Variants in NCOA1 observed in about 807,000 individuals in gnomAD.
The protein encoded by NCOA1 is Hin-2 protein.
A neutral mutation model predicts 150.9 loss-of-function variants in NCOA1; 35 were observed. The ratio of observed to expected loss-of-function variants is 0.23; its 90% CI spans 0.18 to 0.31. The LOEUF (loss-of-function observed/expected upper bound fraction) is 0.31. Ranked by LOEUF, NCOA1 falls within the 10% of genes least tolerant of loss-of-function variation. The probability of loss-of-function intolerance (pLI) is 1.00; values close to 1 mark genes in which losing one functional copy is unlikely to be tolerated. For synonymous variants in NCOA1, 590 were observed against 630.0 expected (o/e 0.94, Z 0.95); for missense variants, 1,491 against 1,749.3 (o/e 0.85, Z 2.63).
chr2:24,704,471 C>G (rs1485811455), intron 11 of NCOA1, among the ~76,000 whole-genome samples: 2 of 152,036 alleles, frequency 1.3e-5, no homozygotes, highest in Non-Finnish European at 2.9e-5. Context: ...GAGCTGCCCC[C>G]AGTATAGAGA....
At chr2:24,752,223 C>G in intron 20 of NCOA1, 67 bp downstream of exon 20, 1 of 1,520,080 alleles carries the variant, frequency 6.6e-7, no homozygotes, top group Admixed American at 1.9e-5. Context: ...CTGATAAATG[C>G]TACAGTGGTT....
chr2:24,641,625 T>C (rs1436996491), intron 3 of NCOA1, among the ~76,000 whole-genome samples: 1 of 152,154 alleles, frequency 6.6e-6, no homozygotes, highest in African/African-American at 2.4e-5. Flanking sequence ...GGATGTAGAA[T>C]TGTGGGTTGA....
rs1670353646 is a variant in NCOA1, at chr2:24,644,079, CA to C, written c.-60del. The C allele has an allele frequency of 6.6e-6, 1 of 152,150 alleles. No homozygotes were observed. Among genetic ancestry groups the C allele is most frequent in the Non-Finnish European group, 1.5e-5 (1 of 68,028 alleles). The allele number at this position is 152,150 out of a possible 1,614,324, so 9.4% of individuals were successfully genotyped here. A position where few individuals can be genotyped will look rare whatever the true frequency, so the allele number is the denominator to read the frequency against. The stretch of plus-strand genomic sequence containing the variant: ...TACCCTCTGGAACTCAAGATTTGAC[CA>C]TATCTGTTTTGAGGATTCATTATGA... On this transcript the variant is annotated 5_prime_UTR_variant, in exon 4 of 23. Coordinates refer to ENST00000348332, the MANE Select transcript of NCOA1 (RefSeq NM_003743.5).
intron 1 of NCOA1, among the ~76,000 whole-genome samples, chr2:24,513,691 A>G (rs553389898): frequency 6.6e-6 from 1 of 152,222 alleles, no homozygotes; most frequent in Non-Finnish European, 1.5e-5. Flanking sequence ...ATAATTTGAC[A>G]TTATTTAATA....
At chr2:24,711,143 C>T (rs765410839) in intron 14 of NCOA1, 32 bp downstream of exon 14, 15 of 1,580,148 alleles carry the variant, frequency 9.5e-6, no homozygotes, top group South Asian at 6.9e-5. Context: ...TCATTTTAAA[C>T]GTTTAGTGAT....
At chr2:24,569,859 T>C (rs1260545693) in intron 2 of NCOA1, among the ~76,000 whole-genome samples, 1 of 147,560 alleles carries the variant, frequency 6.8e-6, no homozygotes, top group Non-Finnish European at 1.5e-5. Flanking sequence ...AACAGAGTGA[T>C]ACTCCGTCTG....
At position 24,550,870 on chromosome 2, in the gene NCOA1, A is replaced by G. The variant is rs528841329; in HGVS notation, c.-395-13425A>G. Among the ~76,000 whole-genome samples the G allele has an allele frequency of 1.1e-3, 161 of 152,350 alleles. 1 individual carries two copies. Among genetic ancestry groups the G allele is most frequent in the African/African-American group, 3.6e-3 (149 of 41,582 alleles). ...ATGCCTGAAATCCCAGCACTTTGGG[A>G]GGCCAAGGCGGGTGGATCACTTGAG... On this transcript the variant is annotated intron_variant, in intron 1 of 22. Transcript: ENST00000348332.
chr2:24,765,896 C>CTTTTTTT lies in NCOA1; in HGVS notation c.4156-2312_4156-2306dup, dbSNP rs773857143. On this transcript the variant is annotated intron_variant, in intron 22 of 22. Transcript: ENST00000348332. ...AGTTTTCTGTAATTTCAATAATACACTTTTTTTTTTTTTTTTTTTGAGACG... is the reference window on the plus strand; with the variant it reads ...AGTTTTCTGTAATTTCAATAATACACTTTTTTTTTTTTTTTTTTTTTTTTTTGAGACG... 1.1e-3 allele frequency among the ~76,000 whole-genome samples: 136 copies of CTTTTTTT among 128,048 alleles called. 3 individuals carry two copies. Among genetic ancestry groups the CTTTTTTT allele is most frequent in the Middle Eastern group, 4.0e-3 (1 of 250 alleles). 84.0% of individuals were successfully genotyped at this position (128,048 alleles called of 152,430 possible).
chr2:24,491,621 G>C lies in NCOA1; in HGVS notation c.-396+19G>C, dbSNP rs986268893. 7.1e-6 allele frequency among the ~76,000 whole-genome samples: 1 copy of C among 140,484 alleles called. No individual in the cohort carries two copies. Among genetic ancestry groups the C allele is most frequent in the Non-Finnish European group, 1.6e-5 (1 of 63,498 alleles). The allele number at this position is 140,484 out of a possible 152,430, so 92.2% of individuals were successfully genotyped here. A position where few individuals can be genotyped will look rare whatever the true frequency, so the allele number is the denominator to read the frequency against. On this transcript the variant is annotated intron_variant, in intron 1 of 22. Coordinates refer to ENST00000348332, the MANE Select transcript of NCOA1 (RefSeq NM_003743.5). ...GCGGCAGGTGAGTGGCGGGCTGCGG[G>C]TGCGGAGCCTCCCGGTGGGTGCAGC...
intron 5 of NCOA1, 112 bp from the exon 6 acceptor site, chr2:24,665,637 A>T: frequency 1.1e-6 from 1 of 901,188 alleles, no homozygotes; most frequent in Non-Finnish European, 1.5e-6. Context: ...ATCTGGTTTT[A>T]TATTTTCGAT....
intron 3 of NCOA1, among the ~76,000 whole-genome samples, chr2:24,615,432 A>G (rs1035095218): frequency 2.0e-5 from 3 of 152,228 alleles, no homozygotes; most frequent in Non-Finnish European, 2.9e-5. Context: ...CCTGTAATAT[A>G]TTGCTTGGCA....
chr2:24,767,526 G>C (rs1456604004), intron 22 of NCOA1, among the ~76,000 whole-genome samples: 1 of 152,236 alleles, frequency 6.6e-6, no homozygotes, highest in Non-Finnish European at 1.5e-5. Context: ...ACTCATAGTA[G>C]TGAAGGGAAA....
chr2:24,717,905 C>CTTT (rs34785770), intron 14 of NCOA1, among the ~76,000 whole-genome samples: 5 of 138,058 alleles, frequency 3.6e-5, no homozygotes, highest in Admixed American at 7.3e-5. Flanking sequence ...TGGTTAATAT[C>CTTT]TTTTTTTTTT....
intron 1 of NCOA1, among the ~76,000 whole-genome samples, chr2:24,526,156 A>G (rs1211878359): frequency 6.6e-6 from 1 of 152,056 alleles, no homozygotes; most frequent in Non-Finnish European, 1.5e-5. Flanking sequence ...ACTCCTTTAA[A>G]TTATGATTTC....
intron 3 of NCOA1, among the ~76,000 whole-genome samples, chr2:24,620,166 G>A (rs1382880617): frequency 6.6e-6 from 1 of 152,090 alleles, no homozygotes; most frequent in Non-Finnish European, 1.5e-5. Context: ...ACTAAGAAAA[G>A]CATGCCTTTG....
intron 14 of NCOA1, among the ~76,000 whole-genome samples, chr2:24,715,517 A>G (rs1418116662): frequency 2.0e-5 from 3 of 152,344 alleles, no homozygotes; most frequent in Non-Finnish European, 2.9e-5. Flanking sequence ...AGTGAGAGGA[A>G]AAGCTACTTG....
In NCOA1 at chr2:24,674,123, A is replaced by ATG. The variant is rs146841550; in HGVS notation, c.354+688_354+689dup. Among the ~76,000 whole-genome samples, 1,408 of 145,586 alleles carry ATG rather than the reference A, an allele frequency of 9.7e-3. 12 individuals carry two copies. Among genetic ancestry groups the ATG allele is most frequent in the African/African-American group, 0.017 (660 of 39,906 alleles). On this transcript the variant is annotated intron_variant, in intron 7 of 22. Coordinates refer to ENST00000348332, the MANE Select transcript of NCOA1 (RefSeq NM_003743.5). ...TGAATGTTTAAAGACATATGTATGTATGTGTGTGTGTGTGTGTGTGTGTGT... is the reference window on the plus strand; with the variant it reads ...TGAATGTTTAAAGACATATGTATGTATGTGTGTGTGTGTGTGTGTGTGTGTGT...
chr2:24,766,866 C>A (rs1442821884), intron 22 of NCOA1, among the ~76,000 whole-genome samples: 1 of 151,778 alleles, frequency 6.6e-6, no homozygotes, highest in Non-Finnish European at 1.5e-5. Context: ...GTTATAGACA[C>A]AAGAGAAAGA....
At chr2:24,760,394 T>A (rs894432614) in intron 21 of NCOA1, among the ~76,000 whole-genome samples, 37 of 150,760 alleles carry the variant, frequency 2.5e-4, no homozygotes, top group African/African-American at 8.5e-4. Context: ...CCTGACATCA[T>A]GTTCTGCCCG....
Sources: gnomAD v4.1 joint callset for allele counts (sites outside exome capture counted in the v4.1 genomes callset) on GRCh38, gnomAD v4.1.1 for gene constraint, MANE v1.5 for transcripts, NCBI Gene and HGNC (gene_info 2026-07-23, HGNC 2026-07-21) for gene names.